The following CACNA1I variants were observed in gnomAD, a reference collection of about 807,000 sequenced individuals.
The protein encoded by CACNA1I is voltage-dependent T-type calcium channel subunit alpha-1I.
In CACNA1I, 74 loss-of-function variants were observed where a neutral mutation model predicts 201.6. The observed-to-expected ratio is 0.37, with a 90% CI of 0.30 to 0.45. The LOEUF (loss-of-function observed/expected upper bound fraction) is 0.45. Among genes scored for constraint, CACNA1I ranks in the 20% least tolerant of loss-of-function variants. CACNA1I has a pLI of 1.00. For synonymous variants in CACNA1I, 1,431 were observed against 1,345.2 expected (o/e 1.06, Z -1.40); for missense variants, 2,346 against 3,138.1 (o/e 0.75, Z 6.03).
At chr22:39,646,423 C>T in intron 7 of CACNA1I, 146 bp from the exon 8 acceptor site, 1 of 1,281,634 alleles carries the variant, frequency 7.8e-7, no homozygotes, top group Non-Finnish European at 1.1e-6. Flanking sequence ...CTCTGTACCG[C>T]CATCTCCATC....
At chr22:39,593,750 C>T (rs927289913) in intron 1 of CACNA1I, among the ~76,000 whole-genome samples, 3 of 152,148 alleles carry the variant, frequency 2.0e-5, no homozygotes, top group African/African-American at 4.8e-5. Flanking sequence ...GGAAAAGCCT[C>T]CAGCCTGAGG....
intron 1 of CACNA1I, among the ~76,000 whole-genome samples, chr22:39,583,027 CCCAA>C (rs1932613303): frequency 2.5e-5 from 3 of 120,034 alleles, no homozygotes; most frequent in South Asian, 6.0e-4. Context: ...CATCCAAGCA[CCCAA>C]CCATCCATCC....
At position 39,684,429 on chromosome 22, in the gene CACNA1I, C is replaced by T. The variant is rs972728492; in HGVS notation, c.5958C>T (p.Pro1986=). Residue 1986 remains proline, a synonymous_variant, in exon 36 of 37, where the codon CCC becomes CCT. Coordinates refer to ENST00000402142, the MANE Select transcript of CACNA1I (RefSeq NM_021096.4). The surrounding 1 kb of genome is among the most constrained non-coding windows in gnomAD (Gnocchi z 4.6). ...PEKGTGTGTL[P]KIALQGSWAS... ...AGGGCACTGGCACTGGAACCCTCCC[C>T]AAGATTGCGCTGCAGGGCTCCTGGG... is the stretch of plus-strand genomic sequence containing the variant. 1 of 1,613,600 alleles carries T rather than the reference C, an allele frequency of 6.2e-7. No homozygotes were observed. The highest frequency in any genetic ancestry group is 8.5e-7 in the Non-Finnish European group (1 of 1,179,880).
Position 39,679,711 on chromosome 22 carries a change from C to T in CACNA1I, c.5395-11C>T, listed in dbSNP as rs778518778. ...ATCCCGCCTGTCCCCACCCCGTCCC[C>T]GTCCGCCTAGGAGAACCTGTGGCTG... is the stretch of plus-strand genomic sequence containing the variant. On this transcript the variant is annotated splice_polypyrimidine_tract_variant and intron_variant, in intron 32 of 36. Coordinates refer to ENST00000402142, the MANE Select transcript of CACNA1I (RefSeq NM_021096.4). The T allele has an allele frequency of 3.1e-6, 5 of 1,607,130 alleles. No individual in the cohort carries two copies. Among genetic ancestry groups the T allele is most frequent in the African/African-American group, 2.7e-5 (2 of 74,800 alleles).
rs139519322 is a variant in CACNA1I at position 39,656,466 on chromosome 22, C to T, written c.1993-1686C>T. ...TAGCACCGCTCCCCTAGCCACCCCCCACTTTCCTGGCGTCAGCACACACTG... is the reference window on the plus strand; with the variant it reads ...TAGCACCGCTCCCCTAGCCACCCCCTACTTTCCTGGCGTCAGCACACACTG... On this transcript the variant is annotated intron_variant, in intron 10 of 36. Transcript: ENST00000402142. 2.1e-5 allele frequency: 11 copies of T among 517,646 alleles called. No individual in the cohort carries two copies. In the East Asian group the frequency reaches 2.7e-4, roughly 13 times the overall value. The allele number at this position is 517,646 out of a possible 1,614,324, so 32.1% of individuals were successfully genotyped here.
chr22:39,586,307 T>C (rs1298502355), intron 1 of CACNA1I, among the ~76,000 whole-genome samples: 1 of 151,612 alleles, frequency 6.6e-6, no homozygotes, highest in South Asian at 2.1e-4. Flanking sequence ...CTGGCCAACA[T>C]ATAATGAAAC....
chr22:39,647,541 A>G (rs574645685), intron 8 of CACNA1I, among the ~76,000 whole-genome samples: 99 of 152,330 alleles, frequency 6.5e-4, no homozygotes, highest in Middle Eastern at 3.4e-3. Context: ...CCTTCGGAGT[A>G]GCTGGGACTA....
At chr22:39,602,275 A>G (rs923939010) in intron 3 of CACNA1I, among the ~76,000 whole-genome samples, 1 of 150,820 alleles carries the variant, frequency 6.6e-6, no homozygotes, top group Admixed American at 6.6e-5. Flanking sequence ...GGGTCTCACT[A>G]TGTTGCCCAG....
chr22:39,646,648 G>A lies in CACNA1I; in HGVS notation c.1229G>A (p.Arg410Gln), dbSNP rs759826902. 35 of 1,574,916 alleles carry A rather than the reference G, an allele frequency of 2.2e-5. No individual in the cohort carries two copies. The highest frequency in any genetic ancestry group is 1.7e-4 in the Middle Eastern group (1 of 6,042). Reference protein sequence around the residue: ...QFSETKQREHRLMLEQRQRYL... With the variant: ...QFSETKQREHQLMLEQRQRYL... The stretch of plus-strand genomic sequence containing the variant: ...TCGGAGACCAAGCAACGGGAGCACC[G>A]GCTGATGCTGGAGCAGCGGCAGCGC... The change falls in exon 8 of 37, where the codon CGG becomes CAG. Residue 410 changes from arginine to glutamine, a missense_variant. Around this residue, in one of 13 missense-constraint regions of CACNA1I, gnomAD observed 227 missense variants for 412.5 expected, o/e 0.55. Coordinates refer to ENST00000402142, the MANE Select transcript of CACNA1I (RefSeq NM_021096.4).
At chr22:39,592,647 G>T (rs138893529) in intron 1 of CACNA1I, among the ~76,000 whole-genome samples, 1 of 152,206 alleles carries the variant, frequency 6.6e-6, no homozygotes, top group Non-Finnish European at 1.5e-5. Flanking sequence ...ACGTCCTGCC[G>T]TCGTGGCACT....
At chr22:39,637,052 G>A (rs1934236223) in intron 5 of CACNA1I, among the ~76,000 whole-genome samples, 1 of 152,210 alleles carries the variant, frequency 6.6e-6, no homozygotes, top group African/African-American at 2.4e-5. Context: ...TGGCTGTGTG[G>A]GTGTCAGGAC....
intron 20 of CACNA1I, 43 bp from the exon 21 acceptor site, chr22:39,664,696 C>A (rs749852635): frequency 5.5e-6 from 5 of 909,538 alleles, no homozygotes; most frequent in African/African-American, 5.1e-5. Flanking sequence ...CACCTGCCCG[C>A]CCCTCCCGCG....
Position 39,646,765 on chromosome 22 carries a change from C to T in CACNA1I, c.1346C>T (p.Ala449Val). The change falls in exon 8 of 37, where the codon GCC (alanine) becomes GTC (valine). Residue 449 changes from alanine (A) to valine (V), a missense_variant. By Grantham distance (64) the Ala-to-Val change is moderately conservative. Transcript: ENST00000402142. ...FQYVCHILRK[A>V]KRRALGLYQA... ...TATGTCTGCCACATCCTGCGCAAGG[C>T]CAAGCGCCGCGCCCTGGGCCTCTAC... 1 of 1,587,678 alleles carries T rather than the reference C, an allele frequency of 6.3e-7. No individual in the cohort carries two copies. Among genetic ancestry groups the T allele is most frequent in the Non-Finnish European group, 8.6e-7 (1 of 1,167,412 alleles).
At chr22:39,672,449 G>A (rs1368409845) in intron 27 of CACNA1I, 141 bp downstream of exon 27, 2 of 686,152 alleles carry the variant, frequency 2.9e-6, no homozygotes, top group East Asian at 5.0e-5. Flanking sequence ...CACCCCAGCT[G>A]CTGCTTATAG....
intron 4 of CACNA1I, among the ~76,000 whole-genome samples, chr22:39,622,139 G>T (rs943171760): frequency 3.9e-5 from 6 of 152,088 alleles, no homozygotes; most frequent in African/African-American, 1.4e-4. Context: ...CCAAAAGGTG[G>T]CCTCCGTACA....
intron 4 of CACNA1I, among the ~76,000 whole-genome samples, 171 bp from the exon 5 acceptor site, chr22:39,634,394 G>A (rs1283173969): frequency 1.3e-5 from 2 of 152,150 alleles, no homozygotes; most frequent in African/African-American, 4.8e-5. Context: ...TGGAGGGGCA[G>A]ATAAAAAGGA....
At chr22:39,664,996 CCTCA>C in intron 21 of CACNA1I, 73 bp downstream of exon 21, 1 of 1,398,128 alleles carries the variant, frequency 7.2e-7, no homozygotes, top group Non-Finnish European at 9.9e-7. Context: ...CGAATTGGGC[CCTCA>C]CTCCGCCCTC....
chr22:39,630,130 G>T (rs529386002), intron 4 of CACNA1I, among the ~76,000 whole-genome samples: 17 of 151,964 alleles, frequency 1.1e-4, no homozygotes, highest in African/African-American at 3.9e-4. Flanking sequence ...CCCAGACAGC[G>T]ACAGCCCCTC....
chr22:39,580,506 G>A (rs1932513032), intron 1 of CACNA1I, among the ~76,000 whole-genome samples: 1 of 152,212 alleles, frequency 6.6e-6, no homozygotes, highest in Admixed American at 6.5e-5. Flanking sequence ...GGGCACTGGT[G>A]AAGCCTGCCT....
Sources: gnomAD v4.1 joint callset for allele counts (sites outside exome capture counted in the v4.1 genomes callset) on GRCh38, gnomAD v4.1.1 for gene constraint, gnomAD v4.1.1 regional missense constraint, Gnocchi (gnomAD v3.1) non-coding constraint, MANE v1.5 for transcripts, NCBI Gene and HGNC (gene_info 2026-07-23, HGNC 2026-07-21) for gene names.